RPS6KA4: variants seen among roughly 807,000 people sequenced by gnomAD.
The protein encoded by RPS6KA4 is ribosomal protein S6 kinase alpha-4.
Under a neutral mutation model 89.6 loss-of-function variants are expected in RPS6KA4, and 38 were observed. The observed-to-expected ratio is 0.42, with a 90% CI of 0.33 to 0.56. The LOEUF is 0.56. Ranked by LOEUF, RPS6KA4 falls within the 20% of genes least tolerant of loss-of-function variation. RPS6KA4 has a pLI of 0.07. For synonymous variants in RPS6KA4, 495 were observed against 492.8 expected, an observed-to-expected ratio of 1.00 and a Z score of -0.06; for missense variants, 873 against 1,098.8, an observed-to-expected ratio of 0.79 and a Z score of 2.90.
At position 64,368,843 on chromosome 11, in the gene RPS6KA4, G is replaced by A. The variant is rs941519100; in HGVS notation, c.1428+46G>A. ...GAGGGCGGAGAGAAAAGGGGCAGGC[G>A]GCGGGGCTTGGGGGCACTATGGGCG... On this transcript the variant is annotated intron_variant, in intron 12 of 16. Transcript: ENST00000334205. 52 of 1,509,406 alleles carry A rather than the reference G, an allele frequency of 3.4e-5. No individual in the cohort carries two copies. The East Asian group carries it at 7.6e-4, about 22-fold the overall frequency. The allele number at this position is 1,509,406 out of a possible 1,614,324, so 93.5% of individuals were successfully genotyped here. A position where few individuals can be genotyped will look rare whatever the true frequency, so the allele number is the denominator to read the frequency against.
chr11:64,361,306 C>A lies in RPS6KA4; in HGVS notation c.570+65C>A. ...TCCTTCTCCTTCCTGCCTCTTCCTGCTCTGGGCCTGCATTCTGGGGCTGCA... is the reference window on the plus strand; with the variant it reads ...TCCTTCTCCTTCCTGCCTCTTCCTGATCTGGGCCTGCATTCTGGGGCTGCA... On this transcript the variant is annotated intron_variant, in intron 5 of 16. Transcript: ENST00000334205. The surrounding 1 kb of genome is among the most constrained non-coding windows in gnomAD (Gnocchi z 4.7). 6.6e-7 allele frequency: 1 copy of A among 1,509,266 alleles called. No individual in the cohort carries two copies. Among genetic ancestry groups the A allele is most frequent in the Non-Finnish European group, 9.2e-7 (1 of 1,091,242 alleles). The allele number at this position is 1,509,266 out of a possible 1,614,324, so 93.5% of individuals were successfully genotyped here.
Position 64,365,242 on chromosome 11 carries a change from G to A in RPS6KA4, c.907-59G>A, listed in dbSNP as rs781007982. ...GAACTGCCCAGTGAGGGTGGGCTGA[G>A]TGGAGGGAGTTTCTCGTTCCTGGCC... is the stretch of plus-strand genomic sequence containing the variant. On this transcript the variant is annotated intron_variant, in intron 8 of 16. Transcript: ENST00000334205. 224 of 1,572,966 alleles carry A rather than the reference G, an allele frequency of 1.4e-4. 1 individual carries two copies. The Admixed American group carries it at 1.8e-3, about 13-fold the overall frequency.
rs2135348682 is a variant in RPS6KA4 at position 64,370,785 on chromosome 11, G to A, written c.2121+59G>A. ...GGCGAAGCCTCGAGAGGTGGGGTCT[G>A]GGGAGGCCCGGCCATCGGAGCACAG... is the stretch of plus-strand genomic sequence containing the variant. On this transcript the variant is annotated intron_variant, in intron 16 of 16. Transcript: ENST00000334205. This position sits in a 1 kb window ranked among gnomAD's most constrained non-coding sequence, Gnocchi z 4.1. 1 of 1,452,808 alleles carries A rather than the reference G, an allele frequency of 6.9e-7. No homozygotes were observed. The highest frequency in any genetic ancestry group is 2.5e-5 in the East Asian group (1 of 40,584). The allele number at this position is 1,452,808 out of a possible 1,614,324, so 90.0% of individuals were successfully genotyped here. A position where few individuals can be genotyped will look rare whatever the true frequency, so the allele number is the denominator to read the frequency against.
In RPS6KA4 at chr11:64,361,574, G is replaced by A. The variant is rs773040458; in HGVS notation, c.651+25G>A. The A allele has an allele frequency of 1.9e-6, 3 of 1,610,768 alleles. No homozygotes were observed. Among genetic ancestry groups the A allele is most frequent in the East Asian group, 2.2e-5 (1 of 44,888 alleles). ...GGTAGGTTGGCAGGGAAGTGGGGCT[G>A]GGGGAGGTGGAAAGGTGGGGTGTGA... On this transcript the variant is annotated intron_variant, in intron 6 of 16. Coordinates refer to ENST00000334205, the MANE Select transcript of RPS6KA4 (RefSeq NM_003942.3). The surrounding 1 kb of genome is among the most constrained non-coding windows in gnomAD (Gnocchi z 4.7).
chr11:64,363,117 A>G (rs534748242), intron 8 of RPS6KA4, among the ~76,000 whole-genome samples: 1 of 152,238 alleles, frequency 6.6e-6, no homozygotes, highest in South Asian at 2.1e-4. Flanking sequence ...TCTTCTGCTT[A>G]AGTGTAGGCA....
In RPS6KA4 at chr11:64,369,857, C is replaced by T. The variant is rs767585911; in HGVS notation, c.1761C>T (p.Asp587=). The part of the protein sequence containing the change: ...APELLAQQGY[D]ESCDLWSLGV... ...AGCTGCTGGCGCAGCAGGGCTACGA[C>T]GAGTCCTGCGACCTCTGGAGCCTGG... Residue 587 remains aspartate, a synonymous_variant, in exon 14 of 17, where the codon GAC becomes GAT. Coordinates refer to ENST00000334205, the MANE Select transcript of RPS6KA4 (RefSeq NM_003942.3). 4 of 1,566,846 alleles carry T rather than the reference C, an allele frequency of 2.6e-6. No individual in the cohort carries two copies. The highest frequency in any genetic ancestry group is 1.2e-5 in the South Asian group (1 of 86,124).
intron 13 of RPS6KA4, 27 bp downstream of exon 13, chr11:64,369,646 C>G: frequency 6.2e-7 from 1 of 1,600,704 alleles, no homozygotes; most frequent in Non-Finnish European, 8.5e-7. Flanking sequence ...GGCGGCGGGG[C>G]GGAGCGGTGG....
chr11:64,371,351 G>C lies in RPS6KA4; in HGVS notation c.2190G>C (p.Arg730=). The C allele has an allele frequency of 6.2e-7, 1 of 1,612,814 alleles. No homozygotes were observed. The change falls in exon 17 of 17, where the codon CGG becomes CGC. Residue 730 remains arginine (R), a synonymous_variant. Coordinates refer to ENST00000334205, the MANE Select transcript of RPS6KA4 (RefSeq NM_003942.3). ...TGGAGAATGCACCCCTGGCCAAGCG[G>C]CGGAAGCAGAAGCTGCGGAGCGCCA... ...KSVENAPLAK[R]RKQKLRSATA...
intron 9 of RPS6KA4, 88 bp downstream of exon 9, chr11:64,365,553 G>A: frequency 2.1e-6 from 3 of 1,449,384 alleles, no homozygotes; most frequent in Non-Finnish European, 2.9e-6. Flanking sequence ...ACACTGCCTA[G>A]GCCTTGTGTC....
chr11:64,370,090 G>T lies in RPS6KA4; in HGVS notation c.1798-135G>T. The T allele has an allele frequency of 8.7e-7, 1 of 1,145,066 alleles. No individual in the cohort carries two copies. The highest frequency in any genetic ancestry group is 1.7e-5 in the South Asian group (1 of 58,310). The allele number at this position is 1,145,066 out of a possible 1,614,324, so 70.9% of individuals were successfully genotyped here. A position where few individuals can be genotyped will look rare whatever the true frequency, so the allele number is the denominator to read the frequency against. On this transcript the variant is annotated intron_variant, in intron 14 of 16. Transcript: ENST00000334205. This position sits in a 1 kb window ranked among gnomAD's most constrained non-coding sequence, Gnocchi z 4.1. Reference sequence around the variant, plus strand: ...GAGTCGGAGCATCCGGGTATTGGGGGTTAGAAGTCAGGGTTCACCACGCGT... The same window carrying T: ...GAGTCGGAGCATCCGGGTATTGGGGTTTAGAAGTCAGGGTTCACCACGCGT...
intron 8 of RPS6KA4, among the ~76,000 whole-genome samples, chr11:64,362,991 C>T (rs2036794863): frequency 6.6e-6 from 1 of 152,148 alleles, no homozygotes; most frequent in Admixed American, 6.5e-5. Flanking sequence ...TGATTTTTGT[C>T]CCCATCTTTA....
At position 64,370,336 on chromosome 11, in the gene RPS6KA4, G is replaced by C; in HGVS notation, c.1909G>C (p.Gly637Arg). The change falls in exon 15 of 17, where the codon GGG becomes CGG. Residue 637 changes from glycine to arginine, a missense_variant. By Grantham distance (125) the Gly-to-Arg change is moderately radical. This residue lies in a region of RPS6KA4 where 278 missense variants were observed against 284.8 expected (regional missense o/e 0.98). Coordinates refer to ENST00000334205, the MANE Select transcript of RPS6KA4 (RefSeq NM_003942.3). The surrounding 1 kb of genome is among the most constrained non-coding windows in gnomAD (Gnocchi z 4.1). ...KIREGRFSLD[G>R]EAWQGVSEEA... ...CCGCGAGGGGCGCTTCTCCCTTGACGGGGAGGCCTGGCAGGGTGTATCCGA... is the reference window on the plus strand; with the variant it reads ...CCGCGAGGGGCGCTTCTCCCTTGACCGGGAGGCCTGGCAGGGTGTATCCGA... The C allele has an allele frequency of 6.2e-7, 1 of 1,604,900 alleles. No individual in the cohort carries two copies. Among genetic ancestry groups the C allele is most frequent in the Non-Finnish European group, 8.5e-7 (1 of 1,177,436 alleles).
At position 64,371,309 on chromosome 11, in the gene RPS6KA4, C is replaced by T. The variant is rs1470095752; in HGVS notation, c.2148C>T (p.Gly716=). The T allele has an allele frequency of 1.2e-6, 2 of 1,612,844 alleles. No individual in the cohort carries two copies. The highest frequency in any genetic ancestry group is 2.2e-5 in the East Asian group (1 of 44,854). ...FMAFNRGKRE[G]FFLKSVENAP... is the part of the protein sequence containing the mutation. ...CATTCAACCGGGGCAAGCGGGAGGG[C>T]TTCTTCCTGAAGAGCGTGGAGAATG... The change falls in exon 17 of 17, where the codon GGC becomes GGT. Residue 716 remains glycine, a synonymous_variant. Coordinates refer to ENST00000334205, the MANE Select transcript of RPS6KA4 (RefSeq NM_003942.3).
Position 64,370,973 on chromosome 11 carries a change from G to A in RPS6KA4, c.2121+247G>A, listed in dbSNP as rs1043263685. 8.6e-5 allele frequency among the ~76,000 whole-genome samples: 13 copies of A among 151,928 alleles called. No individual in the cohort carries two copies. Among genetic ancestry groups the A allele is most frequent in the Non-Finnish European group, 1.5e-4 (10 of 67,960 alleles). On this transcript the variant is annotated intron_variant, in intron 16 of 16. Coordinates refer to ENST00000334205, the MANE Select transcript of RPS6KA4 (RefSeq NM_003942.3). The surrounding 1 kb of genome is among the most constrained non-coding windows in gnomAD (Gnocchi z 4.1). ...AGAAAAATTAGCCGGGTGTGGTGGC[G>A]CGCGCCTGTAATCCCAGCTACTCAG...
intron 9 of RPS6KA4, among the ~76,000 whole-genome samples, chr11:64,366,864 A>G (rs1377068299): frequency 6.6e-6 from 1 of 152,222 alleles, no homozygotes; most frequent in Non-Finnish European, 1.5e-5. Context: ...TAAATAAACC[A>G]GTATGGTTTG....
At position 64,371,749 on chromosome 11, in the gene RPS6KA4, G is replaced by C; in HGVS notation, c.*269G>C. The C allele has an allele frequency of 2.7e-6, 1 of 368,272 alleles. No homozygotes were observed. The highest frequency in any genetic ancestry group is 4.9e-6 in the Non-Finnish European group (1 of 204,226). The allele number at this position is 368,272 out of a possible 1,614,324, so 22.8% of individuals were successfully genotyped here. Reference sequence around the variant, plus strand: ...GGACACTGCCTCTTCTGGGCAGAAGGCCCCTCCAGGGGGACTGCTCCAACA... The same window carrying C: ...GGACACTGCCTCTTCTGGGCAGAAGCCCCCTCCAGGGGGACTGCTCCAACA... On this transcript the variant is annotated 3_prime_UTR_variant, in exon 17 of 17. Coordinates refer to ENST00000334205, the MANE Select transcript of RPS6KA4 (RefSeq NM_003942.3).
rs2036743880 is a variant in RPS6KA4 at position 64,361,387 on chromosome 11, A to C, written c.571-82A>C. 6.5e-7 allele frequency: 1 copy of C among 1,534,622 alleles called. No individual in the cohort carries two copies. Among genetic ancestry groups the C allele is most frequent in the African/African-American group, 1.4e-5 (1 of 73,332 alleles). On this transcript the variant is annotated intron_variant, in intron 5 of 16. Transcript: ENST00000334205. The surrounding 1 kb of genome is among the most constrained non-coding windows in gnomAD (Gnocchi z 4.7). Reference sequence around the variant, plus strand: ...CTCAGCTCTCCAACCTCACAAGTTGAGCGAGTCTTACTCTGGGCCTTGTGG... The same window carrying C: ...CTCAGCTCTCCAACCTCACAAGTTGCGCGAGTCTTACTCTGGGCCTTGTGG...
intron 9 of RPS6KA4, among the ~76,000 whole-genome samples, chr11:64,366,515 C>T (rs1426825803): frequency 1.3e-5 from 2 of 152,244 alleles, no homozygotes; most frequent in African/African-American, 2.4e-5. Flanking sequence ...CAAGTCCAAA[C>T]TCCCTTTGCT....
intron 12 of RPS6KA4, 42 bp downstream of exon 12, chr11:64,368,839 A>C: frequency 2.8e-5 from 26 of 916,772 alleles, no homozygotes; most frequent in Non-Finnish European, 3.5e-5. Flanking sequence ...GAAAAGGGGC[A>C]GGCGGCGGGG....
Sources: gnomAD v4.1 joint callset for allele counts (sites outside exome capture counted in the v4.1 genomes callset) on GRCh38, gnomAD v4.1.1 for gene constraint, gnomAD v4.1.1 regional missense constraint, Gnocchi (gnomAD v3.1) non-coding constraint, MANE v1.5 for transcripts, NCBI Gene and HGNC (gene_info 2026-07-23, HGNC 2026-07-21) for gene names.